The following NKAIN2 variants were observed in gnomAD, a reference collection of about 807,000 sequenced individuals.
The protein encoded by NKAIN2 is sodium/potassium-transporting ATPase subunit beta-1-interacting protein 2.
Under a neutral mutation model 32.6 loss-of-function variants are expected in NKAIN2, and 14 were observed. The ratio of observed to expected loss-of-function variants is 0.43; its 90% CI spans 0.28 to 0.67. The LOEUF (loss-of-function observed/expected upper bound fraction) is 0.67. NKAIN2 is among the 30% of genes least tolerant of loss of function. NKAIN2 has a pLI of 0.17. For synonymous variants in NKAIN2, 80 were observed against 87.2 expected, an observed-to-expected ratio of 0.92 and a Z score of 0.46; for missense variants, 198 against 258.3, an observed-to-expected ratio of 0.77 and a Z score of 1.60.
chr6:123,936,447 A>C (rs1776513460), intron 1 of NKAIN2, among the ~76,000 whole-genome samples: 1 of 152,154 alleles, frequency 6.6e-6, no homozygotes, highest in Non-Finnish European at 1.5e-5. Context: ...AGGAAAAGAA[A>C]AATTTCTACA....
intron 3 of NKAIN2, among the ~76,000 whole-genome samples, chr6:124,548,107 G>T (rs1401479392): frequency 6.6e-6 from 1 of 152,134 alleles, no homozygotes; most frequent in South Asian, 2.1e-4. Context: ...AGCAGAAGGT[G>T]TTAATATATT....
In NKAIN2 at chr6:124,542,878, T is replaced by C. The variant is rs78321141; in HGVS notation, c.274-115308T>C. On this transcript the variant is annotated intron_variant, in intron 3 of 6. Coordinates refer to ENST00000368417, the MANE Select transcript of NKAIN2 (RefSeq NM_001040214.3). ...GATAATATTCATAACATTTCGAACA[T>C]TAAAAGAATGAAAAGAAGAATTAAC... Among the ~76,000 whole-genome samples, 99 of 152,242 alleles carry C rather than the reference T, an allele frequency of 6.5e-4. 1 individual carries two copies. The East Asian group carries it at 0.016, about 24-fold the overall frequency.
At chr6:123,826,935 G>A (rs1774171825) in intron 1 of NKAIN2, among the ~76,000 whole-genome samples, 1 of 151,968 alleles carries the variant, frequency 6.6e-6, no homozygotes, top group Non-Finnish European at 1.5e-5. Flanking sequence ...TTCCCATAGT[G>A]GCTGCACCTT....
chr6:124,529,391 A>T (rs1306368167), intron 3 of NKAIN2, among the ~76,000 whole-genome samples: 1 of 152,136 alleles, frequency 6.6e-6, no homozygotes, highest in Admixed American at 6.5e-5. Context: ...TCTTCAGTTG[A>T]TCAGCTCAAT....
At chr6:123,815,647 G>C (rs540965456) in intron 1 of NKAIN2, among the ~76,000 whole-genome samples, 3 of 152,056 alleles carry the variant, frequency 2.0e-5, no homozygotes, top group East Asian at 3.9e-4. Context: ...AAAACCCCTA[G>C]TATAAATTCT....
chr6:124,503,065 A>C (rs1275488991), intron 3 of NKAIN2, among the ~76,000 whole-genome samples: 2 of 152,112 alleles, frequency 1.3e-5, no homozygotes, highest in African/African-American at 4.8e-5. Flanking sequence ...ATGATGTTTA[A>C]TCTTTGTATC....
At chr6:124,004,620 C>G (rs1446757644) in intron 1 of NKAIN2, among the ~76,000 whole-genome samples, 1 of 151,606 alleles carries the variant, frequency 6.6e-6, no homozygotes, top group Non-Finnish European at 1.5e-5. Flanking sequence ...GACAGAAAAC[C>G]AAACACTGCA....
chr6:124,521,280 T>C (rs186836333), intron 3 of NKAIN2, among the ~76,000 whole-genome samples: 3 of 152,322 alleles, frequency 2.0e-5, no homozygotes, highest in Admixed American at 2.0e-4. Flanking sequence ...GTAGGTGTTT[T>C]CTATACATCT....
intron 3 of NKAIN2, among the ~76,000 whole-genome samples, chr6:124,473,009 TATAC>T: frequency 6.6e-6 from 1 of 152,274 alleles, no homozygotes; most frequent in African/African-American, 2.4e-5. Context: ...CACCAGTGAT[TATAC>T]ATCCAACCAG....
chr6:124,478,903 T>G (rs1254122960), intron 3 of NKAIN2, among the ~76,000 whole-genome samples: 1 of 152,100 alleles, frequency 6.6e-6, no homozygotes, highest in Non-Finnish European at 1.5e-5. Flanking sequence ...AAACATCACT[T>G]TAGCCAGATA....
intron 3 of NKAIN2, among the ~76,000 whole-genome samples, chr6:124,397,710 T>C (rs1773445701): frequency 6.6e-6 from 1 of 152,044 alleles, no homozygotes; most frequent in African/African-American, 2.4e-5. Flanking sequence ...TCCTTATCCA[T>C]ATAACAAGCA....
chr6:123,817,982 T>C (rs1477765458), intron 1 of NKAIN2, among the ~76,000 whole-genome samples: 1 of 152,178 alleles, frequency 6.6e-6, no homozygotes, highest in Non-Finnish European at 1.5e-5. Context: ...TCAGTTTAGT[T>C]TGAGCCAGGT....
chr6:124,282,235 C>T, intron 1 of NKAIN2: 1 of 340,530 alleles, frequency 2.9e-6, no homozygotes, highest in South Asian at 2.3e-5. Flanking sequence ...GTTGTGAACA[C>T]AGATGAAAAT....
At chr6:123,898,885 CT>C (rs1271154282) in intron 1 of NKAIN2, among the ~76,000 whole-genome samples, 1 of 152,206 alleles carries the variant, frequency 6.6e-6, no homozygotes, top group African/African-American at 2.4e-5. Flanking sequence ...AGGGCTTCCC[CT>C]GTTAGCCTCT....
At chr6:124,375,412 AT>A (rs1224382106) in intron 3 of NKAIN2, among the ~76,000 whole-genome samples, 1 of 147,672 alleles carries the variant, frequency 6.8e-6, no homozygotes, top group Non-Finnish European at 1.5e-5. Flanking sequence ...TTATATATAT[AT>A]GTATATAAAT....
chr6:124,372,897 G>A (rs978085265), intron 3 of NKAIN2, among the ~76,000 whole-genome samples: 4 of 152,054 alleles, frequency 2.6e-5, no homozygotes, highest in Middle Eastern at 3.2e-3. Context: ...AAAATAACTC[G>A]TAATTTTCCT....
At chr6:124,731,727 G>T (rs143470920) in intron 4 of NKAIN2, among the ~76,000 whole-genome samples, 1 of 151,580 alleles carries the variant, frequency 6.6e-6, no homozygotes, top group South Asian at 2.1e-4. Flanking sequence ...AAAAAAGAAT[G>T]TGGAAGTTTC....
intron 2 of NKAIN2, among the ~76,000 whole-genome samples, chr6:124,284,036 A>G (rs904699027): frequency 3.6e-5 from 5 of 137,098 alleles, no homozygotes; most frequent in East Asian, 2.2e-4. Context: ...TCTCTCCATC[A>G]TCTAGAACCC....
chr6:124,345,408 A>G (rs73571187), intron 2 of NKAIN2, among the ~76,000 whole-genome samples: 9,012 of 152,226 alleles, frequency 0.059, 492 homozygotes, highest in African/African-American at 0.14. Context: ...AGAAGGAATT[A>G]GTACGAGTTC....
Sources: allele counts gnomAD v4.1 joint callset (sites outside exome capture counted in the v4.1 genomes callset), GRCh38; gene constraint gnomAD v4.1.1; transcripts MANE v1.5; gene names NCBI Gene and HGNC (gene_info 2026-07-23, HGNC 2026-07-21).